Variants in ARHGEF3 observed in about 807,000 individuals in gnomAD.
ARHGEF3 encodes the protein Rho guanine nucleotide exchange factor 3.
A neutral mutation model predicts 63.2 loss-of-function variants in ARHGEF3; 28 were observed. The observed-to-expected ratio is 0.44, with a 90% CI of 0.33 to 0.61. The LOEUF is 0.61. Among genes scored for constraint, ARHGEF3 ranks in the 20% least tolerant of loss-of-function variants. The probability of loss-of-function intolerance (pLI) is 0.03; values close to 1 mark genes in which losing one functional copy is unlikely to be tolerated. For synonymous variants in ARHGEF3, 266 were observed against 254.2 expected, an observed-to-expected ratio of 1.05 and a Z score of -0.44; for missense variants, 533 against 659.3, an observed-to-expected ratio of 0.81 and a Z score of 2.10.
chr3:57,076,382 G>C (rs1296653092), intron 1 of ARHGEF3, among the ~76,000 whole-genome samples: 1 of 152,204 alleles, frequency 6.6e-6, no homozygotes, highest in Non-Finnish European at 1.5e-5. Flanking sequence ...GAGAACTTTA[G>C]AGATGGATAT....
intron 4 of ARHGEF3, among the ~76,000 whole-genome samples, chr3:56,811,539 G>A (rs2038063401): frequency 6.6e-6 from 1 of 152,200 alleles, no homozygotes; most frequent in Admixed American, 6.5e-5. Context: ...AAAGTGTTCT[G>A]TGTGCTGTGG....
chr3:56,928,064 A>G (rs1307052147), intron 3 of ARHGEF3, among the ~76,000 whole-genome samples: 2 of 152,230 alleles, frequency 1.3e-5, no homozygotes, highest in Non-Finnish European at 2.9e-5. Context: ...AGACACATGC[A>G]GCATGAGAAG....
chr3:57,017,501 C>T (rs368837804), intron 2 of ARHGEF3, among the ~76,000 whole-genome samples: 24 of 152,266 alleles, frequency 1.6e-4, no homozygotes, highest in Non-Finnish European at 2.2e-4. Context: ...ATAAAAAGGC[C>T]GAGCCCACCA....
intron 2 of ARHGEF3, among the ~76,000 whole-genome samples, chr3:57,001,001 A>T (rs2107020416): frequency 6.6e-6 from 1 of 151,984 alleles, no homozygotes; most frequent in South Asian, 2.1e-4. Context: ...GTGCAGTGGC[A>T]CTATCATAAG....
chr3:56,904,152 C>T (rs1159812729), intron 3 of ARHGEF3, among the ~76,000 whole-genome samples: 2 of 152,190 alleles, frequency 1.3e-5, no homozygotes, highest in African/African-American at 4.8e-5. Context: ...ACCTCAGCCT[C>T]CCAAGTAGCT....
chr3:56,862,055 C>T (rs566903594), intron 4 of ARHGEF3, among the ~76,000 whole-genome samples: 8 of 152,208 alleles, frequency 5.3e-5, no homozygotes, highest in Admixed American at 3.3e-4. Context: ...AACATAGATG[C>T]TAATCCACAG....
At chr3:57,076,714 T>G (rs916798435) in intron 1 of ARHGEF3, 1 of 152,156 alleles carries the variant, frequency 6.6e-6, no homozygotes, top group African/African-American at 2.4e-5. Flanking sequence ...AAGCAACCAG[T>G]TCCTTTGCAT....
At chr3:57,044,660 A>G (rs1409471621) in intron 1 of ARHGEF3, among the ~76,000 whole-genome samples, 1 of 152,126 alleles carries the variant, frequency 6.6e-6, no homozygotes, top group Non-Finnish European at 1.5e-5. Context: ...TACTGTGGGC[A>G]TGGTCTCCAT....
chr3:56,802,041 C>T (rs992578537), upstream of ARHGEF3: 25 of 1,366,582 alleles, frequency 1.8e-5, no homozygotes, highest in Admixed American at 8.2e-4. Flanking sequence ...CCCCACGCTG[C>T]CGGGAGGGCC....
chr3:56,920,818 C>T (rs534172297), intron 3 of ARHGEF3, among the ~76,000 whole-genome samples: 34 of 152,024 alleles, frequency 2.2e-4, no homozygotes, highest in African/African-American at 4.1e-4. Context: ...TTTGGGAGGC[C>T]GAGGCGGGCA....
intron 2 of ARHGEF3, among the ~76,000 whole-genome samples, chr3:57,003,139 C>T (rs1702326176): frequency 1.3e-5 from 2 of 151,662 alleles, no homozygotes; most frequent in East Asian, 4.0e-4. Context: ...GGCGCAGTGG[C>T]TCACGCTTAT....
chr3:57,008,219 T>G (rs1027256045), intron 2 of ARHGEF3, among the ~76,000 whole-genome samples: 2 of 152,164 alleles, frequency 1.3e-5, no homozygotes, highest in Non-Finnish European at 2.9e-5. Flanking sequence ...GATTAATCCC[T>G]AGGAGGTGGC....
rs1702994895 is a variant in ARHGEF3 at position 57,016,243 on chromosome 3, A to G, written c.62+18845T>C. ...CAGGTGGACTGAAACTGCTTTCTAAAAGGTAATGCTGCTTGCAAGAATGAC... is the reference window on the plus strand; with the variant it reads ...CAGGTGGACTGAAACTGCTTTCTAAGAGGTAATGCTGCTTGCAAGAATGAC... On this transcript the variant is annotated intron_variant, in intron 2 of 12. Coordinates refer to the ARHGEF3 transcript ENST00000338458. Among the ~76,000 whole-genome samples, 3 of 152,088 alleles carry G rather than the reference A, an allele frequency of 2.0e-5. No homozygotes were observed. In the South Asian group the frequency reaches 6.3e-4, roughly 32 times the overall value.
chr3:57,031,419 G>A (rs1366549081), intron 2 of ARHGEF3, among the ~76,000 whole-genome samples: 1 of 152,104 alleles, frequency 6.6e-6, no homozygotes, highest in Non-Finnish European at 1.5e-5. Flanking sequence ...ACTGGGTACT[G>A]ACTATATGCC....
At chr3:56,739,257 C>T (rs1241813833) in intron 7 of ARHGEF3, among the ~76,000 whole-genome samples, 4 of 152,022 alleles carry the variant, frequency 2.6e-5, no homozygotes, top group African/African-American at 4.8e-5. Context: ...GCCTCTTCTT[C>T]GTCACATTTA....
intron 1 of ARHGEF3, among the ~76,000 whole-genome samples, chr3:57,063,001 G>C (rs745582585): frequency 2.0e-5 from 3 of 152,186 alleles, no homozygotes; most frequent in Non-Finnish European, 4.4e-5. Flanking sequence ...ATTGGATAAC[G>C]ATAGTGTAAG....
chr3:56,932,564 A>T (rs2042442739), intron 3 of ARHGEF3, among the ~76,000 whole-genome samples: 1 of 149,020 alleles, frequency 6.7e-6, no homozygotes. Flanking sequence ...CACTTTTTCC[A>T]CTTTTTTCTG....
intron 1 of ARHGEF3, among the ~76,000 whole-genome samples, chr3:57,059,310 C>T (rs1360797364): frequency 6.6e-6 from 1 of 151,774 alleles, no homozygotes; most frequent in Non-Finnish European, 1.5e-5. Flanking sequence ...TTTGGCTTCT[C>T]TGGGACACAC....
At chr3:57,020,622 C>T (rs1343700282) in intron 2 of ARHGEF3, among the ~76,000 whole-genome samples, 1 of 152,216 alleles carries the variant, frequency 6.6e-6, no homozygotes, top group Non-Finnish European at 1.5e-5. Flanking sequence ...GAGTCAAATG[C>T]CAGCCTGGAG....
Sources: allele counts gnomAD v4.1 joint callset (sites outside exome capture counted in the v4.1 genomes callset), GRCh38; gene constraint gnomAD v4.1.1; transcripts MANE v1.5; gene names NCBI Gene and HGNC (gene_info 2026-07-23, HGNC 2026-07-21).